C5orf22: variants seen among roughly 807,000 people sequenced by gnomAD.
C5orf22 encodes the protein chromosome 5 open reading frame 22.
C5orf22 carries 36 observed loss-of-function variants against 48.7 expected under a neutral mutation model. That is an observed-to-expected ratio of 0.74 (90% CI 0.57 to 0.98). The LOEUF (loss-of-function observed/expected upper bound fraction) is 0.98, where lower values mean the gene tolerates loss of function less well. Ranked by LOEUF, C5orf22 falls within the 50% of genes least tolerant of loss-of-function variation. C5orf22 has a pLI of 0.00. For synonymous variants in C5orf22, 141 were observed against 180.8 expected (o/e 0.78, Z 1.76); for missense variants, 486 against 521.9 (o/e 0.93, Z 0.67).
At position 31,553,505 on chromosome 5, in the gene C5orf22, A is replaced by G. The variant is rs981717313; in HGVS notation, c.*603A>G. 3.3e-5 allele frequency: 5 copies of G among 150,582 alleles called. No homozygotes were observed. The highest frequency in any genetic ancestry group is 7.4e-5 in the Non-Finnish European group (5 of 67,746). The allele number at this position is 150,582 out of a possible 1,614,324, so 9.3% of individuals were successfully genotyped here. ...ATAAAAATAGAGATGGGGTCTCACC[A>G]TGTTACCCAGGCTGGTCTCAAACTC... is the stretch of plus-strand genomic sequence containing the variant. On this transcript the variant is annotated 3_prime_UTR_variant, in exon 9 of 9. Coordinates refer to ENST00000325366, the MANE Select transcript of C5orf22 (RefSeq NM_018356.3).
intron 2 of C5orf22, among the ~76,000 whole-genome samples, chr5:31,535,216 C>T (rs1015055503): frequency 9.9e-5 from 15 of 152,130 alleles, no homozygotes; most frequent in Admixed American, 2.0e-4. Flanking sequence ...AGTTTCTTGA[C>T]CACTCCTTTC....
At chr5:31,548,002 C>T (rs1329961089) in intron 7 of C5orf22, among the ~76,000 whole-genome samples, 1 of 152,160 alleles carries the variant, frequency 6.6e-6, no homozygotes, top group Non-Finnish European at 1.5e-5. Flanking sequence ...CTGTTTCTCT[C>T]TTAAAACTGA....
rs189119026 is a variant in C5orf22, at chr5:31,549,080, G to A, written c.1060-2213G>A. Among the ~76,000 whole-genome samples the A allele has an allele frequency of 4.6e-5, 7 of 152,236 alleles. No homozygotes were observed. The East Asian group carries it at 7.7e-4, about 17-fold the overall frequency. On this transcript the variant is annotated intron_variant, in intron 7 of 8. Coordinates refer to ENST00000325366, the MANE Select transcript of C5orf22 (RefSeq NM_018356.3). ...ATGAAAAACACAAAATTAGCCGGGC[G>A]TGGTGGCGCATCCCTGTAATCCCAG...
intron 8 of C5orf22, 100 bp from the exon 9 acceptor site, chr5:31,552,673 T>C (rs1314794779): frequency 1.9e-6 from 2 of 1,072,636 alleles, no homozygotes; most frequent in East Asian, 4.9e-5. Flanking sequence ...CAGCACACCT[T>C]AATTTCTGTT....
At chr5:31,539,589 A>G (rs550706190) in intron 4 of C5orf22, among the ~76,000 whole-genome samples, 2 of 152,370 alleles carry the variant, frequency 1.3e-5, no homozygotes, top group East Asian at 3.9e-4. Flanking sequence ...TATTCCTTTT[A>G]GAGTGCTATT....
chr5:31,552,482 A>G (rs2150082623), intron 8 of C5orf22, among the ~76,000 whole-genome samples: 1 of 152,322 alleles, frequency 6.6e-6, no homozygotes, highest in South Asian at 2.1e-4. Context: ...CTAGCAATCA[A>G]GCATTAAGGC....
chr5:31,536,655 ATAAT>A (rs1324611549), intron 3 of C5orf22, among the ~76,000 whole-genome samples: 1 of 152,236 alleles, frequency 6.6e-6, no homozygotes, highest in African/African-American at 2.4e-5. Context: ...TCTTTATAAT[ATAAT>A]TAGTTTCAGA....
At chr5:31,545,249 G>T (rs1742786142) in intron 6 of C5orf22, among the ~76,000 whole-genome samples, 1 of 151,826 alleles carries the variant, frequency 6.6e-6, no homozygotes, top group Non-Finnish European at 1.5e-5. Context: ...GTCGAGACAG[G>T]GTTTCACCAC....
chr5:31,535,839 G>A lies in C5orf22; in HGVS notation c.323G>A (p.Arg108Lys). 2 of 1,613,804 alleles carry A rather than the reference G, an allele frequency of 1.2e-6. No homozygotes were observed. The highest frequency in any genetic ancestry group is 1.6e-4 in the Middle Eastern group (1 of 6,062). The part of the protein sequence containing the change: ...WFHPTWAQQI[R>K]EGRHHFLVGK... ...CATCCCACATGGGCTCAGCAGATCA[G>A]AGAGGGCAGACACCACTTTTTAGTA... Residue 108 changes from arginine to lysine, a missense_variant, in exon 3 of 9, where the codon AGA becomes AAA. Coordinates refer to ENST00000325366, the MANE Select transcript of C5orf22 (RefSeq NM_018356.3).
At chr5:31,551,179 C>A in intron 7 of C5orf22, 114 bp from the exon 8 acceptor site, 2 of 1,003,298 alleles carry the variant, frequency 2.0e-6, no homozygotes, top group East Asian at 2.6e-5. Flanking sequence ...TGAAAATATG[C>A]ACATCTTTTA....
intron 2 of C5orf22, chr5:31,535,024 TATATG>T: frequency 2.2e-6 from 1 of 454,090 alleles, no homozygotes; most frequent in Non-Finnish European, 4.4e-6. Context: ...TTGGTTGAAA[TATATG>T]ATGAAGATTC....
chr5:31,532,577 ACC>A, intron 1 of C5orf22, 104 bp downstream of exon 1: 1 of 996,242 alleles, frequency 1.0e-6, no homozygotes, highest in Non-Finnish European at 1.5e-6. Context: ...CAGAGAGTTA[ACC>A]AGAGTTAAAC....
chr5:31,545,602 G>A (rs1466193027), intron 6 of C5orf22, 44 bp from the exon 7 acceptor site: 1 of 1,322,344 alleles, frequency 7.6e-7, no homozygotes, highest in Non-Finnish European at 1.1e-6. Flanking sequence ...CATTTTAGTT[G>A]TGGTGGTTGT....
chr5:31,534,146 C>A, intron 1 of C5orf22, 126 bp from the exon 2 acceptor site: 1 of 829,356 alleles, frequency 1.2e-6, no homozygotes, highest in South Asian at 1.8e-5. Context: ...TTATGTTTTT[C>A]CACTTTACAG....
At chr5:31,548,525 C>T (rs1201079320) in intron 7 of C5orf22, 5 of 448,008 alleles carry the variant, frequency 1.1e-5, no homozygotes. Context: ...CTGAGACCAC[C>T]TCAGCCTGGA....
At chr5:31,541,126 G>T (rs1189590735) in intron 5 of C5orf22, 115 bp downstream of exon 5, 1 of 909,340 alleles carries the variant, frequency 1.1e-6, no homozygotes, top group African/African-American at 1.7e-5. Context: ...GTGTGTGTGT[G>T]TGTGTGTGTG....
At chr5:31,538,800 G>T (rs1203655908) in intron 4 of C5orf22, 111 bp downstream of exon 4, 2 of 785,712 alleles carry the variant, frequency 2.5e-6, no homozygotes, top group Non-Finnish European at 4.0e-6. Context: ...TTAGGCTTTG[G>T]GGTTCACATT....
In C5orf22 at chr5:31,534,392, G is replaced by A. The variant is rs764095889; in HGVS notation, c.202G>A (p.Val68Met). 2.0e-5 allele frequency: 32 copies of A among 1,611,198 alleles called. No individual in the cohort carries two copies. The highest frequency in any genetic ancestry group is 2.3e-5 in the Non-Finnish European group (27 of 1,179,370). The change falls in exon 2 of 9, where the codon GTG becomes ATG. Residue 68 changes from valine (V) to methionine (M), a missense_variant. Physicochemically the swap from Val to Met is conservative, Grantham distance 21. Around this residue, in one of 3 missense-constraint regions of C5orf22, gnomAD observed 408 missense variants for 444.0 expected, o/e 0.92. Transcript: ENST00000325366. ...LIPVNMPADT[V>M]FDKETLFGEL... ...TCCTGTGAATATGCCAGCAGACACC[G>A]TGTTTGATAAGGAAACACTCTTTGG...
intron 3 of C5orf22, among the ~76,000 whole-genome samples, chr5:31,537,560 A>AT (rs1413097111): frequency 6.6e-6 from 1 of 152,230 alleles, no homozygotes; most frequent in Non-Finnish European, 1.5e-5. Flanking sequence ...TGGGTAAGGC[A>AT]TGCCTCTAGA....
Sources: gnomAD v4.1 joint callset for allele counts (sites outside exome capture counted in the v4.1 genomes callset) on GRCh38, gnomAD v4.1.1 for gene constraint, gnomAD v4.1.1 regional missense constraint, MANE v1.5 for transcripts, NCBI Gene and HGNC (gene_info 2026-07-23, HGNC 2026-07-21) for gene names.